SLC35D2: variants seen among roughly 807,000 people sequenced by gnomAD.
SLC35D2 encodes the protein nucleotide sugar transporter SLC35D2.
SLC35D2 carries 43 observed loss-of-function variants against 41.8 expected under a neutral mutation model. That is an observed-to-expected ratio of 1.03 (90% confidence interval 0.81 to 1.33). The LOEUF (loss-of-function observed/expected upper bound fraction) is 1.33. SLC35D2 is among the 40% of genes most tolerant of loss of function. The probability of loss-of-function intolerance (pLI) is 0.00; values close to 1 mark genes in which losing one functional copy is unlikely to be tolerated. For synonymous variants in SLC35D2, 150 were observed against 163.9 expected (o/e 0.92, Z 0.65); for missense variants, 380 against 408.4 (o/e 0.93, Z 0.60).
At chr9:96,331,786 C>T (rs1431770589) in intron 9 of SLC35D2, among the ~76,000 whole-genome samples, 2 of 152,186 alleles carry the variant, frequency 1.3e-5, no homozygotes, top group African/African-American at 4.8e-5. Context: ...GCAAGCATGT[C>T]CGCCTGAGCT....
At chr9:96,319,422 A>G (rs1419228002), downstream of SLC35D2, among the ~76,000 whole-genome samples, 1 of 152,186 alleles carries the variant, frequency 6.6e-6, no homozygotes, top group Non-Finnish European at 1.5e-5. Context: ...TAGGTTGCAC[A>G]ATCAGTATGG....
chr9:96,331,220 T>A (rs949795574), intron 9 of SLC35D2, among the ~76,000 whole-genome samples: 2 of 152,130 alleles, frequency 1.3e-5, no homozygotes, highest in African/African-American at 4.8e-5. Flanking sequence ...TAATAGCTTA[T>A]CTTAAACAGG....
At chr9:96,320,475 C>T (rs902901081), downstream of SLC35D2, among the ~76,000 whole-genome samples, 1 of 150,626 alleles carries the variant, frequency 6.6e-6, no homozygotes, top group Non-Finnish European at 1.5e-5. Flanking sequence ...GAGATTGCAC[C>T]ACTGCACTCC....
At chr9:96,340,338 G>A (rs1829258311) in intron 8 of SLC35D2, among the ~76,000 whole-genome samples, 1 of 151,982 alleles carries the variant, frequency 6.6e-6, no homozygotes, top group Non-Finnish European at 1.5e-5. Flanking sequence ...GTCAAACTTG[G>A]CTGGGCGCAG....
chr9:96,328,085 C>A (rs1828631840), intron 9 of SLC35D2, among the ~76,000 whole-genome samples: 1 of 152,086 alleles, frequency 6.6e-6, no homozygotes, highest in South Asian at 2.1e-4. Flanking sequence ...CTAAAAGAAC[C>A]TTCGTTAACT....
At chr9:96,367,612 G>A (rs1374719786) in intron 2 of SLC35D2, among the ~76,000 whole-genome samples, 9 of 151,938 alleles carry the variant, frequency 5.9e-5, no homozygotes, top group African/African-American at 1.7e-4. Context: ...GCGAAACCCC[G>A]TCTCTACTAA....
chr9:96,361,553 C>T (rs1167107538), intron 3 of SLC35D2, among the ~76,000 whole-genome samples: 1 of 152,012 alleles, frequency 6.6e-6, no homozygotes, highest in Non-Finnish European at 1.5e-5. Flanking sequence ...GGCATGGTAG[C>T]AAATGCTTGT....
chr9:96,327,633 T>G (rs1345461359), intron 9 of SLC35D2, among the ~76,000 whole-genome samples: 1 of 151,800 alleles, frequency 6.6e-6, no homozygotes, highest in African/African-American at 2.4e-5. Flanking sequence ...TCTTTTTTTT[T>G]TTTTTAAAGA....
chr9:96,326,361 G>A lies in SLC35D2; in HGVS notation c.753-2192C>T, dbSNP rs79550396. On this transcript the variant is annotated intron_variant, in intron 9 of 11. Transcript: ENST00000253270. ...AAGTTGTAAATGGAACTGATTTACAGTACATTGTTTAGGGGATTTTAATCA... is the reference window on the plus strand; with the variant it reads ...AAGTTGTAAATGGAACTGATTTACAATACATTGTTTAGGGGATTTTAATCA... Among the ~76,000 whole-genome samples, 758 of 152,286 alleles carry A rather than the reference G, an allele frequency of 5.0e-3. 53 individuals carry two copies. In the East Asian group the frequency reaches 0.13, roughly 26 times the overall value.
chr9:96,315,782 C>T (rs1314651285), downstream of SLC35D2, among the ~76,000 whole-genome samples: 1 of 152,052 alleles, frequency 6.6e-6, no homozygotes, highest in African/African-American at 2.4e-5. Context: ...AGTCTAGTCA[C>T]AGCCTCCTTC....
intron 1 of SLC35D2, among the ~76,000 whole-genome samples, chr9:96,378,377 G>A (rs768971103): frequency 1.3e-5 from 2 of 151,854 alleles, no homozygotes; most frequent in Non-Finnish European, 1.5e-5. Context: ...CCAGTGAGCC[G>A]AGATTGCATC....
At position 96,324,088 on chromosome 9, in the gene SLC35D2, C is replaced by T; in HGVS notation, c.831+3G>A. 6.2e-7 allele frequency: 1 copy of T among 1,612,232 alleles called. No homozygotes were observed. Among genetic ancestry groups the T allele is most frequent in the Non-Finnish European group, 8.5e-7 (1 of 1,178,372 alleles). On this transcript the variant is annotated splice_donor_region_variant and intron_variant, in intron 10 of 11. Coordinates refer to ENST00000253270, the MANE Select transcript of SLC35D2 (RefSeq NM_007001.3). Reference sequence around the variant, plus strand: ...GTTCCCTTCCAAGTTTCCATCCACTCACCTTGATGGCTCCAACCACTGCTG... The same window carrying T: ...GTTCCCTTCCAAGTTTCCATCCACTTACCTTGATGGCTCCAACCACTGCTG...
intron 9 of SLC35D2, among the ~76,000 whole-genome samples, chr9:96,325,310 G>C (rs561798403): frequency 2.0e-4 from 30 of 152,312 alleles, no homozygotes; most frequent in African/African-American, 7.2e-4. Flanking sequence ...ATGGAATGTT[G>C]AAAGGGATTA....
At chr9:96,341,643 C>T (rs975274738) in intron 8 of SLC35D2, among the ~76,000 whole-genome samples, 2 of 152,120 alleles carry the variant, frequency 1.3e-5, no homozygotes, top group African/African-American at 4.8e-5. Flanking sequence ...TTATTATTAT[C>T]ACATGAGAAA....
downstream of SLC35D2, among the ~76,000 whole-genome samples, chr9:96,318,173 T>C (rs993358779): frequency 2.0e-5 from 3 of 152,078 alleles, no homozygotes; most frequent in Non-Finnish European, 2.9e-5. Flanking sequence ...TAAAAGCACA[T>C]TGAAGGCTGG....
At chr9:96,314,660 T>C (rs1015873875) in exon 12 of SLC35D2, 2 of 152,306 alleles carry the variant, frequency 1.3e-5, no homozygotes, top group African/African-American at 4.8e-5. Context: ...GGTGATAGGT[T>C]GATAGGTGCA....
chr9:96,332,136 A>C (rs1315614459), intron 9 of SLC35D2, among the ~76,000 whole-genome samples: 1 of 152,220 alleles, frequency 6.6e-6, no homozygotes, highest in African/African-American at 2.4e-5. Flanking sequence ...TTTTCAACTC[A>C]GAATAGAGGT....
intron 9 of SLC35D2, among the ~76,000 whole-genome samples, chr9:96,332,842 T>C (rs2130867038): frequency 6.6e-6 from 1 of 152,000 alleles, no homozygotes; most frequent in East Asian, 1.9e-4. Flanking sequence ...TGAGTAAACC[T>C]GAAATGTTAA....
intron 6 of SLC35D2, among the ~76,000 whole-genome samples, chr9:96,346,935 G>A (rs1365396511): frequency 6.6e-6 from 1 of 151,998 alleles, no homozygotes; most frequent in African/African-American, 2.4e-5. Flanking sequence ...TCGGGAGTTC[G>A]AAACCAGCCT....
Sources: allele counts gnomAD v4.1 joint callset (sites outside exome capture counted in the v4.1 genomes callset), GRCh38; gene constraint gnomAD v4.1.1; transcripts MANE v1.5; gene names NCBI Gene and HGNC (gene_info 2026-07-23, HGNC 2026-07-21).